NTM: variants seen among roughly 807,000 people sequenced by gnomAD.
NTM encodes the protein neurotrimin.
NTM carries 13 observed loss-of-function variants against 42.1 expected under a neutral mutation model. The observed-to-expected ratio is 0.31, with a 90% CI of 0.20 to 0.49. NTM has a LOEUF of 0.49. Among genes scored for constraint, NTM ranks in the 20% least tolerant of loss-of-function variants. NTM has a pLI of 0.99. For missense variants in NTM, 373 were observed against 452.8 expected, an observed-to-expected ratio of 0.82 and a Z score of 1.60; for synonymous variants, 187 against 179.2, an observed-to-expected ratio of 1.04 and a Z score of -0.35.
At chr11:132,081,155 T>G (rs1284049667) in intron 2 of NTM, among the ~76,000 whole-genome samples, 1 of 152,212 alleles carries the variant, frequency 6.6e-6, no homozygotes, top group East Asian at 1.9e-4. Flanking sequence ...TAAGACTTCA[T>G]CTGGGCCTTG....
chr11:131,401,834 A>G lies in NTM; in HGVS notation c.82+30946A>G, dbSNP rs201134999. 4.5e-3 allele frequency among the ~76,000 whole-genome samples: 390 copies of G among 86,064 alleles called. 13 individuals carry two copies. The highest frequency in any genetic ancestry group is 7.5e-3 in the African/African-American group (180 of 23,880). 56.5% of individuals were successfully genotyped at this position (86,064 alleles called of 152,430 possible). A position where few individuals can be genotyped will look rare whatever the true frequency, so the allele number is the denominator to read the frequency against. On this transcript the variant is annotated intron_variant, in intron 1 of 8. Coordinates refer to ENST00000683400, the MANE Select transcript of NTM (RefSeq NM_001352005.2). ...TATATATATATATATATATATATAT[A>G]TATATATATATATATATATATATAT...
intron 1 of NTM, among the ~76,000 whole-genome samples, chr11:131,402,759 C>G (rs1945385930): frequency 6.6e-6 from 1 of 152,118 alleles, no homozygotes; most frequent in South Asian, 2.1e-4. Context: ...CATATAAGTA[C>G]TATTGAATCT....
chr11:131,899,904 T>C (rs2052879839), intron 1 of NTM, among the ~76,000 whole-genome samples: 2 of 152,244 alleles, frequency 1.3e-5, no homozygotes, highest in Admixed American at 1.3e-4. Flanking sequence ...TGGAAGTCCC[T>C]ACAAAACAAA....
chr11:131,446,827 C>T (rs1213314571), intron 1 of NTM, among the ~76,000 whole-genome samples: 1 of 152,210 alleles, frequency 6.6e-6, no homozygotes, highest in Non-Finnish European at 1.5e-5. Context: ...AGGCCTCCAT[C>T]CTTACTGCTA....
At chr11:131,892,433 A>G (rs1431708144) in intron 1 of NTM, among the ~76,000 whole-genome samples, 1 of 152,276 alleles carries the variant, frequency 6.6e-6, no homozygotes, top group Non-Finnish European at 1.5e-5. Flanking sequence ...CACATAGTGC[A>G]TCACTCCTCT....
intron 1 of NTM, among the ~76,000 whole-genome samples, chr11:131,797,739 C>T (rs908353783): frequency 6.6e-6 from 1 of 152,152 alleles, no homozygotes; most frequent in Non-Finnish European, 1.5e-5. Flanking sequence ...ATAACAATTA[C>T]TTTAGTATGT....
At chr11:132,108,742 A>G (rs2062753750) in intron 2 of NTM, among the ~76,000 whole-genome samples, 1 of 152,206 alleles carries the variant, frequency 6.6e-6, no homozygotes. Context: ...TCTGGGGTAC[A>G]TATGCAGGAT....
chr11:132,303,877 G>A (rs2094967454), intron 4 of NTM, among the ~76,000 whole-genome samples: 1 of 152,114 alleles, frequency 6.6e-6, no homozygotes, highest in Admixed American at 6.6e-5. Flanking sequence ...GCCCCTCAGT[G>A]TCCCCACTGC....
chr11:131,814,801 C>T (rs57397096), intron 1 of NTM, among the ~76,000 whole-genome samples: 108 of 152,266 alleles, frequency 7.1e-4, no homozygotes, highest in African/African-American at 2.2e-3. Flanking sequence ...TTGCTACACT[C>T]ACTCCAGCGT....
chr11:131,768,162 G>A (rs577818035), intron 1 of NTM, among the ~76,000 whole-genome samples: 3 of 136,542 alleles, frequency 2.2e-5, no homozygotes, highest in South Asian at 2.3e-4. Flanking sequence ...TGCTCTTGTC[G>A]CCCAGGCTGG....
chr11:132,080,959 G>A (rs934831701), intron 2 of NTM, among the ~76,000 whole-genome samples: 1 of 152,154 alleles, frequency 6.6e-6, no homozygotes, highest in Non-Finnish European at 1.5e-5. Flanking sequence ...TTAGGGCAAG[G>A]TCCCATCCTC....
chr11:132,175,815 A>C (rs971287463), intron 3 of NTM, among the ~76,000 whole-genome samples: 5 of 152,068 alleles, frequency 3.3e-5, no homozygotes, highest in Non-Finnish European at 5.9e-5. Context: ...CCACCCTTAG[A>C]AGTTCCCTAC....
At chr11:132,120,021 C>A (rs1344436599) in intron 2 of NTM, among the ~76,000 whole-genome samples, 2 of 152,320 alleles carry the variant, frequency 1.3e-5, no homozygotes, top group East Asian at 1.9e-4. Flanking sequence ...CAGAAGAATG[C>A]GATTCTGGGC....
intron 1 of NTM, among the ~76,000 whole-genome samples, chr11:131,803,464 A>T (rs112807365): frequency 0.016 from 2,362 of 152,052 alleles, 46 homozygotes; most frequent in African/African-American, 0.053. Flanking sequence ...GTGCACCACC[A>T]CACCCAGCTA....
intron 1 of NTM, among the ~76,000 whole-genome samples, chr11:131,803,696 T>C (rs1411017363): frequency 1.3e-5 from 2 of 152,334 alleles, no homozygotes; most frequent in East Asian, 3.9e-4. Flanking sequence ...AGCCACCAGC[T>C]GCTCCTCTCT....
At chr11:131,473,206 G>A (rs2136189901) in intron 1 of NTM, among the ~76,000 whole-genome samples, 1 of 152,262 alleles carries the variant, frequency 6.6e-6, no homozygotes. Context: ...GGGCTTGGTA[G>A]CAGGCAGGAG....
intron 4 of NTM, among the ~76,000 whole-genome samples, chr11:132,300,168 C>A (rs550117927): frequency 6.6e-6 from 1 of 152,078 alleles, no homozygotes; most frequent in African/African-American, 2.4e-5. Flanking sequence ...ACTGGCAAAG[C>A]AGAGGTCTGA....
At chr11:131,473,382 A>C (rs1342804184) in intron 1 of NTM, among the ~76,000 whole-genome samples, 2 of 152,132 alleles carry the variant, frequency 1.3e-5, no homozygotes, top group Non-Finnish European at 2.9e-5. Context: ...CCTGATGGGG[A>C]GGGAGAGCCT....
At chr11:132,169,635 AT>A (rs1381137175) in intron 3 of NTM, among the ~76,000 whole-genome samples, 2 of 151,816 alleles carry the variant, frequency 1.3e-5, no homozygotes, top group Non-Finnish European at 2.9e-5. Flanking sequence ...TGCCGGGCCA[AT>A]TTTTTACTTC....
Sources: allele counts gnomAD v4.1 joint callset (sites outside exome capture counted in the v4.1 genomes callset), GRCh38; gene constraint gnomAD v4.1.1; transcripts MANE v1.5; gene names NCBI Gene and HGNC (gene_info 2026-07-23, HGNC 2026-07-21).